Variants in DLGAP2 observed in about 807,000 individuals in gnomAD.
DLGAP2 encodes the protein disks large-associated protein 2.
DLGAP2 carries 26 observed loss-of-function variants against 100.3 expected under a neutral mutation model. The ratio of observed to expected loss-of-function variants is 0.26; its 90% CI spans 0.19 to 0.36. The LOEUF (loss-of-function observed/expected upper bound fraction) is 0.36, where lower values mean the gene tolerates loss of function less well. Among genes scored for constraint, DLGAP2 ranks in the 10% least tolerant of loss-of-function variants. The pLI is 1.00. For synonymous variants in DLGAP2, 886 were observed against 630.1 expected (o/e 1.41, Z -6.08); for missense variants, 1,858 against 1,453.2 (o/e 1.28, Z -4.53).
intron 3 of DLGAP2, among the ~76,000 whole-genome samples, chr8:1,341,761 C>T (rs1371729474): frequency 6.6e-6 from 1 of 152,132 alleles, no homozygotes; most frequent in East Asian, 1.9e-4. Context: ...TAGCAGGTGT[C>T]ATTTCCCAGC....
intron 3 of DLGAP2, among the ~76,000 whole-genome samples, chr8:1,307,175 A>G (rs1342393349): frequency 1.2e-5 from 1 of 81,450 alleles, no homozygotes; most frequent in African/African-American, 8.9e-5. Flanking sequence ...TACACTATTT[A>G]AATAACTACA....
chr8:1,453,968 T>TGTGGCGC (rs1360591126), intron 3 of DLGAP2, among the ~76,000 whole-genome samples: 2 of 152,316 alleles, frequency 1.3e-5, no homozygotes, highest in East Asian at 3.9e-4. Context: ...AGATGTGGCG[T>TGTGGCGC]GTGGCGCAGG....
intron 3 of DLGAP2, among the ~76,000 whole-genome samples, chr8:1,331,265 T>C (rs907546552): frequency 4.6e-5 from 7 of 152,198 alleles, no homozygotes; most frequent in African/African-American, 1.7e-4. Context: ...CGCAAATTCC[T>C]TCAGAGGTCC....
chr8:1,099,496 G>GT (rs1203099496), intron 2 of DLGAP2, among the ~76,000 whole-genome samples: 1 of 152,242 alleles, frequency 6.6e-6, no homozygotes, highest in Non-Finnish European at 1.5e-5. Context: ...CCCTCAGGGA[G>GT]TTTCTGGTCT....
chr8:1,456,763 T>C (rs59998443), intron 3 of DLGAP2, among the ~76,000 whole-genome samples: 236 of 5,610 alleles, frequency 0.042, 1 homozygote, highest in South Asian at 0.02. Context: ...TGTGCCAGGC[T>C]GTGCACTGGT....
intron 2 of DLGAP2, among the ~76,000 whole-genome samples, chr8:1,226,906 A>G (rs11777587): frequency 0.58 from 88,070 of 151,192 alleles, 26,967 homozygotes; most frequent in East Asian, 0.79. Context: ...CCCACACTTC[A>G]GCAGGAAAGT....
At chr8:903,140 C>T (rs541265888) in intron 1 of DLGAP2, among the ~76,000 whole-genome samples, 1 of 151,980 alleles carries the variant, frequency 6.6e-6, no homozygotes, top group African/African-American at 2.4e-5. Flanking sequence ...CTTGTCGCCT[C>T]CATGCTCTTT....
At chr8:1,232,126 C>G (rs990337875) in intron 2 of DLGAP2, among the ~76,000 whole-genome samples, 2 of 152,206 alleles carry the variant, frequency 1.3e-5, no homozygotes, top group Non-Finnish European at 2.9e-5. Context: ...ATTTGAGGAG[C>G]TCTCATCCAG....
At chr8:1,557,699 GCTC>G (rs1235863134) in intron 5 of DLGAP2, among the ~76,000 whole-genome samples, 1 of 152,188 alleles carries the variant, frequency 6.6e-6, no homozygotes, top group Non-Finnish European at 1.5e-5. Context: ...CCCAAGGCCA[GCTC>G]CTGCTGAGCC....
At chr8:905,760 C>T (rs1798365712) in intron 1 of DLGAP2, among the ~76,000 whole-genome samples, 4 of 152,194 alleles carry the variant, frequency 2.6e-5, no homozygotes, top group South Asian at 2.1e-4. Context: ...ACATTCTGGG[C>T]TGGTCCTGCT....
intron 2 of DLGAP2, among the ~76,000 whole-genome samples, chr8:1,043,560 G>A (rs1461390380): frequency 6.6e-6 from 1 of 152,002 alleles, no homozygotes; most frequent in Non-Finnish European, 1.5e-5. Context: ...GTAGGTGGCT[G>A]AGAGACCCCT....
chr8:1,108,278 C>A (rs986422801), intron 2 of DLGAP2, among the ~76,000 whole-genome samples: 15 of 152,156 alleles, frequency 9.9e-5, no homozygotes, highest in African/African-American at 3.6e-4. Flanking sequence ...TTTCCCCAAT[C>A]TATGGGGAAA....
At position 1,385,545 on chromosome 8, in the gene DLGAP2, TGTGCCCGTCCCCTG is replaced by T. The variant is rs1377157655; in HGVS notation, c.107-115820_107-115807del. Among the ~76,000 whole-genome samples the T allele has an allele frequency of 2.6e-4, 10 of 38,088 alleles. 2 individuals carry two copies. Among genetic ancestry groups the T allele is most frequent in the African/African-American group, 1.1e-3 (10 of 8,836 alleles). 25.0% of individuals were successfully genotyped at this position (38,088 alleles called of 152,430 possible). A position where few individuals can be genotyped will look rare whatever the true frequency, so the allele number is the denominator to read the frequency against. On this transcript the variant is annotated intron_variant, in intron 3 of 14. Transcript: ENST00000637795. ...GAACTTGGTGCACAATTACCCGGCC[TGTGCCCGTCCCCTG>T]AGAACTTGGTGCACAATTACCCGGC...
At chr8:1,327,132 C>T (rs1324818273) in intron 3 of DLGAP2, among the ~76,000 whole-genome samples, 2 of 152,260 alleles carry the variant, frequency 1.3e-5, no homozygotes, top group African/African-American at 2.4e-5. Context: ...CTTCCATCCT[C>T]CTGACACTGA....
chr8:1,697,453 C>T (rs547761752), intron 14 of DLGAP2, among the ~76,000 whole-genome samples, 154 bp downstream of exon 14: 13 of 152,272 alleles, frequency 8.5e-5, no homozygotes, highest in Admixed American at 2.6e-4. Flanking sequence ...CATGTGTATA[C>T]GCACATGTGT....
intron 2 of DLGAP2, among the ~76,000 whole-genome samples, chr8:1,023,582 C>T (rs1801689190): frequency 6.6e-6 from 1 of 151,450 alleles, no homozygotes; most frequent in Admixed American, 6.6e-5. Context: ...GCGTGTGTTT[C>T]AGCGCAACAG....
intron 7 of DLGAP2, 121 bp downstream of exon 7, chr8:1,627,008 C>G: frequency 8.0e-7 from 1 of 1,249,902 alleles, no homozygotes; most frequent in Non-Finnish European, 1.1e-6. Context: ...TTGGGCAAGG[C>G]TACACCAAAG....
intron 3 of DLGAP2, among the ~76,000 whole-genome samples, chr8:1,327,516 C>G (rs558958062): frequency 6.6e-6 from 1 of 152,244 alleles, no homozygotes; most frequent in South Asian, 2.1e-4. Context: ...TTGAACTTGA[C>G]CTTTTTAAAA....
At chr8:962,686 G>C (rs1485674582) in intron 2 of DLGAP2, among the ~76,000 whole-genome samples, 3 of 152,176 alleles carry the variant, frequency 2.0e-5, no homozygotes, top group Admixed American at 6.5e-5. Context: ...AACGACATCA[G>C]ATGGAGCAGA....
Sources: gnomAD v4.1 joint callset for allele counts (sites outside exome capture counted in the v4.1 genomes callset) on GRCh38, gnomAD v4.1.1 for gene constraint, MANE v1.5 for transcripts, NCBI Gene and HGNC (gene_info 2026-07-23, HGNC 2026-07-21) for gene names.